SMAD1: variants seen among roughly 807,000 people sequenced by gnomAD.
SMAD1 encodes the protein MAD, mothers against decapentaplegic homolog 1.
SMAD1 carries 6 observed loss-of-function variants against 41.6 expected under a neutral mutation model. The observed-to-expected ratio is 0.14, with a 90% confidence interval of 0.08 to 0.28. SMAD1 has a LOEUF of 0.28. SMAD1 is among the 10% of genes least tolerant of loss of function. The pLI, the probability that SMAD1 is intolerant of heterozygous loss-of-function variation, is 1.00. For missense variants in SMAD1, 379 were observed against 582.6 expected, an observed-to-expected ratio of 0.65 and a Z score of 3.60; for synonymous variants, 206 against 203.2, an observed-to-expected ratio of 1.01 and a Z score of -0.12.
At chr4:145,518,732 C>G (rs896546647) in intron 2 of SMAD1, among the ~76,000 whole-genome samples, 1 of 125,182 alleles carries the variant, frequency 8.0e-6, no homozygotes, top group Non-Finnish European at 2.0e-5. Flanking sequence ...ATTTAAGTCT[C>G]CCAAACTTGG....
chr4:145,483,636 C>G (rs1177974163), intron 1 of SMAD1, among the ~76,000 whole-genome samples: 1 of 152,190 alleles, frequency 6.6e-6, no homozygotes, highest in Non-Finnish European at 1.5e-5. Flanking sequence ...CTCTCTTTCC[C>G]ATTTGCAATT....
Position 145,539,824 on chromosome 4 carries a change from C to G in SMAD1, c.421C>G (p.Pro141Ala), listed in dbSNP as rs769593299. Reference protein sequence around the residue: ...ESPVLPPVLVPRHSEYNPQHS... With the variant: ...ESPVLPPVLVARHSEYNPQHS... ...TCTAGTACTTCCTCCTGTGCTGGTT[C>G]CAAGACACAGCGAATATAATCCTCA... The change falls in exon 3 of 7, where the codon CCA becomes GCA. Residue 141 changes from proline to alanine, a missense_variant. By Grantham distance (27) the Pro-to-Ala change is conservative. Transcript: ENST00000302085. 1.2e-6 allele frequency: 2 copies of G among 1,614,032 alleles called. No individual in the cohort carries two copies. The highest frequency in any genetic ancestry group is 1.1e-5 in the South Asian group (1 of 91,072).
At chr4:145,555,377 G>A (rs1370368066) in intron 6 of SMAD1, among the ~76,000 whole-genome samples, 1 of 152,082 alleles carries the variant, frequency 6.6e-6, no homozygotes, top group Non-Finnish European at 1.5e-5. Flanking sequence ...CTTGAGAGTC[G>A]AGATGCGGTT....
intron 1 of SMAD1, among the ~76,000 whole-genome samples, chr4:145,499,890 C>T (rs1221672214): frequency 6.6e-6 from 1 of 151,928 alleles, no homozygotes; most frequent in Non-Finnish European, 1.5e-5. Flanking sequence ...GGTCCTACCT[C>T]AGATATTCAA....
intron 6 of SMAD1, among the ~76,000 whole-genome samples, chr4:145,555,734 T>A (rs988119591): frequency 1.3e-5 from 2 of 152,106 alleles, no homozygotes; most frequent in African/African-American, 4.8e-5. Context: ...TTTATTAGAT[T>A]TCATTCATTC....
At chr4:145,528,363 A>G in intron 2 of SMAD1, among the ~76,000 whole-genome samples, 1 of 151,888 alleles carries the variant, frequency 6.6e-6, no homozygotes. Flanking sequence ...TCAGCCTCCC[A>G]AAGTGCTGGG....
chr4:145,528,096 CACACACATAT>C (rs1560748893), intron 2 of SMAD1, among the ~76,000 whole-genome samples: 1 of 141,400 alleles, frequency 7.1e-6, no homozygotes, highest in African/African-American at 2.6e-5. Flanking sequence ...CACACACATA[CACACACATAT>C]ATTTTTTTTT....
At chr4:145,555,423 G>A (rs1239542667) in intron 6 of SMAD1, among the ~76,000 whole-genome samples, 1 of 152,162 alleles carries the variant, frequency 6.6e-6, no homozygotes, top group Non-Finnish European at 1.5e-5. Context: ...GTGTGATTAA[G>A]GCACAGATTT....
rs185349747 is a variant in SMAD1 at position 145,557,965 on chromosome 4, A to G, written c.*31A>G. Reference sequence around the variant, plus strand: ...CCCAGGCATCTGCCTCTGGAAAACTATTGAGCCTTGCATGTACTTGAAGGA... The same window carrying G: ...CCCAGGCATCTGCCTCTGGAAAACTGTTGAGCCTTGCATGTACTTGAAGGA... On this transcript the variant is annotated 3_prime_UTR_variant, in exon 7 of 7. Transcript: ENST00000302085. 259 of 1,561,632 alleles carry G rather than the reference A, an allele frequency of 1.7e-4. 1 individual carries two copies. The highest frequency in any genetic ancestry group is 1.2e-3 in the African/African-American group (86 of 74,198).
chr4:145,491,247 C>T (rs957637950), intron 1 of SMAD1, among the ~76,000 whole-genome samples: 7 of 152,126 alleles, frequency 4.6e-5, no homozygotes, highest in African/African-American at 1.4e-4. Flanking sequence ...TGGTAGTGGA[C>T]GTGAACAAGC....
chr4:145,486,241 A>G (rs1728476635), intron 1 of SMAD1, among the ~76,000 whole-genome samples: 1 of 152,242 alleles, frequency 6.6e-6, no homozygotes, highest in Non-Finnish European at 1.5e-5. Context: ...TGAAGAATAA[A>G]TCTGGCATGA....
chr4:145,519,665 A>AG, intron 2 of SMAD1, among the ~76,000 whole-genome samples: 1 of 27,682 alleles, frequency 3.6e-5, no homozygotes, highest in South Asian at 1.1e-3. Context: ...AAAAAAAAAA[A>AG]ACCCACTTTT....
chr4:145,528,994 A>G (rs549561651), intron 2 of SMAD1, among the ~76,000 whole-genome samples: 61 of 152,344 alleles, frequency 4.0e-4, no homozygotes, highest in African/African-American at 1.1e-3. Flanking sequence ...ATGAGTTAAT[A>G]TCTGGTACAG....
Position 145,542,731 on chromosome 4 carries a change from G to A in SMAD1, c.775+33G>A, listed in dbSNP as rs375601084. 2.1e-6 allele frequency: 3 copies of A among 1,409,600 alleles called. No individual in the cohort carries two copies. In the African/African-American group the frequency reaches 4.3e-5, roughly 20 times the overall value. 87.3% of individuals were successfully genotyped at this position (1,409,600 alleles called of 1,614,324 possible). A position where few individuals can be genotyped will look rare whatever the true frequency, so the allele number is the denominator to read the frequency against. On this transcript the variant is annotated intron_variant, in intron 4 of 6. Transcript: ENST00000302085. ...TAATTGCTGCCTGTTCCCTTTTTTA[G>A]AGTCTAAAGTTTGTCCAGATGTTAC...
chr4:145,516,354 T>C lies in SMAD1; in HGVS notation c.400+1341T>C, dbSNP rs191490465. Among the ~76,000 whole-genome samples the C allele has an allele frequency of 2.9e-3, 437 of 152,324 alleles. 1 individual carries two copies. The highest frequency in any genetic ancestry group is 1.0e-2 in the African/African-American group (415 of 41,566). On this transcript the variant is annotated intron_variant, in intron 2 of 6. Transcript: ENST00000302085. ...TAGATTATATACTTTAGGATTACCT[T>C]GTTAAGTCCTATGAAAAACACTTTG...
At chr4:145,536,797 A>G (rs1037882237) in intron 2 of SMAD1, among the ~76,000 whole-genome samples, 1 of 152,214 alleles carries the variant, frequency 6.6e-6, no homozygotes, top group Non-Finnish European at 1.5e-5. Flanking sequence ...AAAAGGAAAG[A>G]TAGAGACTGT....
intron 5 of SMAD1, among the ~76,000 whole-genome samples, chr4:145,550,932 A>G (rs1434576898): frequency 6.6e-6 from 1 of 152,214 alleles, no homozygotes; most frequent in Non-Finnish European, 1.5e-5. Context: ...ATATTGTGAG[A>G]ACATTTTAAG....
At chr4:145,552,109 AAG>A (rs952023792) in intron 5 of SMAD1, among the ~76,000 whole-genome samples, 2 of 152,204 alleles carry the variant, frequency 1.3e-5, no homozygotes, top group African/African-American at 4.8e-5. Context: ...GAGTCACTAA[AAG>A]AGTGATAATA....
In SMAD1 at chr4:145,517,860, T is replaced by C. The variant is rs1730515975; in HGVS notation, c.400+2847T>C. On this transcript the variant is annotated intron_variant, in intron 2 of 6. Coordinates refer to ENST00000302085, the MANE Select transcript of SMAD1 (RefSeq NM_005900.3). ...GGAAAACTGGCTTACATAGGCATTT[T>C]GAGACTCCACAAATGCCATTTCAGC... Among the ~76,000 whole-genome samples, 2 of 126,510 alleles carry C rather than the reference T, an allele frequency of 1.6e-5. 1 individual carries two copies. The highest frequency in any genetic ancestry group is 3.9e-5 in the Non-Finnish European group (2 of 51,386). The allele number at this position is 126,510 out of a possible 152,430, so 83.0% of individuals were successfully genotyped here.
Sources: gnomAD v4.1 joint callset for allele counts (sites outside exome capture counted in the v4.1 genomes callset) on GRCh38, gnomAD v4.1.1 for gene constraint, MANE v1.5 for transcripts, NCBI Gene and HGNC (gene_info 2026-07-23, HGNC 2026-07-21) for gene names.